Variants in CHEK2 observed in about 807,000 individuals in gnomAD.
CHEK2 encodes checkpoint kinase 2.
CHEK2 carries 71 observed loss-of-function variants against 69.1 expected under a neutral mutation model. The observed-to-expected ratio is 1.03, with a 90% CI of 0.85 to 1.25. CHEK2 has a LOEUF of 1.25. Among genes scored for constraint, CHEK2 ranks in the 50% most tolerant of loss-of-function variants. The pLI, the probability that CHEK2 is intolerant of heterozygous loss-of-function variation, is 0.00. For missense variants in CHEK2, 664 were observed against 649.6 expected (o/e 1.02, Z -0.24); for synonymous variants, 189 against 226.9 (o/e 0.83, Z 1.50).
chr22:28,734,774 G>T, intron 1 of CHEK2, 47 bp from the exon 2 acceptor site: 1 of 1,471,118 alleles, frequency 6.8e-7, no homozygotes, highest in Non-Finnish European at 9.4e-7. Flanking sequence ...CAAGGCACAA[G>T]ACTTAAAATT....
At chr22:28,712,626 C>CA (rs1438315382) in intron 5 of CHEK2, among the ~76,000 whole-genome samples, 4 of 152,168 alleles carry the variant, frequency 2.6e-5, no homozygotes, top group African/African-American at 9.6e-5. Flanking sequence ...GAATGCTCTC[C>CA]AAGCCATTAC....
rs192803974 is a variant in CHEK2, at chr22:28,720,212, T to C, written c.593-727A>G. 6.8e-3 allele frequency among the ~76,000 whole-genome samples: 1,030 copies of C among 151,052 alleles called. 6 individuals are homozygous for C. Among genetic ancestry groups the C allele is most frequent in the Middle Eastern group, 0.038 (11 of 292 alleles). On this transcript the variant is annotated intron_variant, in intron 4 of 14. Coordinates refer to ENST00000404276, the MANE Select transcript of CHEK2 (RefSeq NM_007194.4). ...TTCAAGCAATTTTTGTGCCTCAGCC[T>C]CCTGAGTAGCTGGGATTACAGGCGA... is the stretch of plus-strand genomic sequence containing the variant.
At chr22:28,727,173 C>T (rs1345307123) in intron 2 of CHEK2, among the ~76,000 whole-genome samples, 1 of 152,140 alleles carries the variant, frequency 6.6e-6, no homozygotes, top group African/African-American at 2.4e-5. Flanking sequence ...TCCCGAGTGG[C>T]TGGGACTACA....
chr22:28,690,053 C>A (rs1376614345), intron 13 of CHEK2, among the ~76,000 whole-genome samples: 5 of 152,160 alleles, frequency 3.3e-5, no homozygotes, highest in Non-Finnish European at 4.4e-5. Flanking sequence ...GAATACAGAC[C>A]CAGAGTTATC....
At position 28,695,113 on chromosome 22, in the gene CHEK2, T is replaced by C. The variant is rs1366247981; in HGVS notation, c.1375+14A>G. 3 of 1,532,246 alleles carry C rather than the reference T, an allele frequency of 2.0e-6. No homozygotes were observed. The South Asian group carries it at 3.4e-5, about 17-fold the overall frequency. The allele number at this position is 1,532,246 out of a possible 1,614,324, so 94.9% of individuals were successfully genotyped here. Reference sequence around the variant, plus strand: ...TTAGCATACCACAAATTCTTAACCCTTTCATATTCATACCTTTCTCTGAGA... The same window carrying C: ...TTAGCATACCACAAATTCTTAACCCCTTCATATTCATACCTTTCTCTGAGA... On this transcript the variant is annotated intron_variant, in intron 12 of 14. Transcript: ENST00000404276.
At chr22:28,690,659 C>T (rs1285139216) in intron 13 of CHEK2, among the ~76,000 whole-genome samples, 3 of 151,666 alleles carry the variant, frequency 2.0e-5, no homozygotes, top group African/African-American at 7.3e-5. Context: ...TTAAATTAGC[C>T]AGACATGGTG....
At chr22:28,740,364 T>A (rs2054520722) in intron 1 of CHEK2, among the ~76,000 whole-genome samples, 1 of 152,186 alleles carries the variant, frequency 6.6e-6, no homozygotes, top group African/African-American at 2.4e-5. Context: ...ACACCCAGTA[T>A]CCGCCATCAA....
intron 4 of CHEK2, among the ~76,000 whole-genome samples, chr22:28,724,370 C>T (rs997966101): frequency 6.6e-6 from 1 of 152,048 alleles, no homozygotes; most frequent in African/African-American, 2.4e-5. Context: ...GATTGCACCA[C>T]TGCACTCCAG....
intron 8 of CHEK2, among the ~76,000 whole-genome samples, chr22:28,703,034 G>A (rs188533397): frequency 5.9e-5 from 9 of 152,136 alleles, no homozygotes; most frequent in East Asian, 1.9e-4. Flanking sequence ...TTGAATACAC[G>A]GATGTAAAAA....
At chr22:28,693,194 T>C (rs1488769702) in intron 13 of CHEK2, among the ~76,000 whole-genome samples, 1 of 152,160 alleles carries the variant, frequency 6.6e-6, no homozygotes, top group African/African-American at 2.4e-5. Context: ...ATGCCGTGGC[T>C]AATTCTAAAA....
At chr22:28,716,351 C>A (rs1254546981) in intron 5 of CHEK2, among the ~76,000 whole-genome samples, 1 of 151,946 alleles carries the variant, frequency 6.6e-6, no homozygotes, top group South Asian at 2.1e-4. Context: ...CATGCGTCAC[C>A]ACACCTGGCT....
At chr22:28,741,569 C>G (rs559503042) in intron 1 of CHEK2, among the ~76,000 whole-genome samples, 200 bp downstream of exon 1, 62 of 152,152 alleles carry the variant, frequency 4.1e-4, no homozygotes, top group Non-Finnish European at 8.5e-4. Context: ...ATGTTCAGGC[C>G]TGTTTCAGCT....
At chr22:28,690,056 G>C (rs1237983933) in intron 13 of CHEK2, among the ~76,000 whole-genome samples, 1 of 152,200 alleles carries the variant, frequency 6.6e-6, no homozygotes, top group African/African-American at 2.4e-5. Flanking sequence ...TACAGACCCA[G>C]AGTTATCTGA....
At chr22:28,739,327 A>G (rs1435258538) in intron 1 of CHEK2, among the ~76,000 whole-genome samples, 3 of 152,160 alleles carry the variant, frequency 2.0e-5, no homozygotes, top group Admixed American at 6.6e-5. Context: ...GAAAGAAGAC[A>G]TACAAATGGC....
At chr22:28,693,934 C>T (rs2145782510) in intron 13 of CHEK2, 98 bp downstream of exon 13, 2 of 813,454 alleles carry the variant, frequency 2.5e-6, no homozygotes, top group East Asian at 4.9e-5. Flanking sequence ...AGATTAAACA[C>T]TCAACAAAGT....
intron 2 of CHEK2, among the ~76,000 whole-genome samples, chr22:28,728,542 C>CA (rs201682241): frequency 2.1e-3 from 321 of 151,470 alleles, no homozygotes; most frequent in African/African-American, 7.2e-3. Context: ...AAAAACAAAA[C>CA]AAAAAAAAAT....
In CHEK2 at chr22:28,734,724, C is replaced by G. The variant is rs876659027; in HGVS notation, c.-3G>C. On this transcript the variant is annotated 5_prime_UTR_variant, in exon 2 of 15. Coordinates refer to ENST00000404276, the MANE Select transcript of CHEK2 (RefSeq NM_007194.4). ...TCAACATCCGACTCCCGAGACATCACGACCTCAAAAAGAAAGTGTCCAACA... is the reference window on the plus strand; with the variant it reads ...TCAACATCCGACTCCCGAGACATCAGGACCTCAAAAAGAAAGTGTCCAACA... 1 of 1,612,692 alleles carries G rather than the reference C, an allele frequency of 6.2e-7. No homozygotes were observed. The highest frequency in any genetic ancestry group is 8.5e-7 in the Non-Finnish European group (1 of 1,179,872).
intron 8 of CHEK2, among the ~76,000 whole-genome samples, chr22:28,703,056 G>A (rs554450584): frequency 6.6e-6 from 1 of 152,256 alleles, no homozygotes; most frequent in East Asian, 1.9e-4. Context: ...CCACAGTTAT[G>A]GTGAGCCAAT....
intron 7 of CHEK2, among the ~76,000 whole-genome samples, chr22:28,707,830 C>CTTTTTTTT (rs11453597): frequency 1.4e-4 from 14 of 102,462 alleles, no homozygotes; most frequent in Non-Finnish European, 1.5e-4. Context: ...TTGTGTTTAT[C>CTTTTTTTT]TTTTTTTTTT....
Sources: allele counts gnomAD v4.1 joint callset (sites outside exome capture counted in the v4.1 genomes callset), GRCh38; gene constraint gnomAD v4.1.1; transcripts MANE v1.5; gene names NCBI Gene and HGNC (gene_info 2026-07-23, HGNC 2026-07-21).